Variants in TNNI3K observed in about 807,000 individuals in gnomAD.
The protein encoded by TNNI3K is TNNI3 interacting kinase, also known as serine/threonine-protein kinase TNNI3K.
Under a neutral mutation model 114.5 loss-of-function variants are expected in TNNI3K, and 140 were observed. The ratio of observed to expected loss-of-function variants is 1.22; its 90% CI spans 1.07 to 1.41. The LOEUF is 1.41. Among genes scored for constraint, TNNI3K ranks in the 40% most tolerant of loss-of-function variants. The pLI, the probability that TNNI3K is intolerant of heterozygous loss-of-function variation, is 0.00. For missense variants in TNNI3K, 1,125 were observed against 1,007.6 expected (o/e 1.12, Z -1.58); for synonymous variants, 347 against 347.5 (o/e 1.00, Z 0.02).
chr1:74,241,351 T>C (rs1654193553), intron 2 of TNNI3K, among the ~76,000 whole-genome samples: 1 of 152,196 alleles, frequency 6.6e-6, no homozygotes, highest in Non-Finnish European at 1.5e-5. Context: ...TGAGGAATCA[T>C]CACACTGACT....
At position 74,543,746 on chromosome 1, in the gene TNNI3K, G is replaced by A. The variant is rs45520631; in HGVS notation, c.2432-160G>A. Among the ~76,000 whole-genome samples the A allele has an allele frequency of 9.8e-3, 1,499 of 152,276 alleles. 24 individuals are homozygous for A. Among genetic ancestry groups the A allele is most frequent in the African/African-American group, 0.033 (1,367 of 41,540 alleles). On this transcript the variant is annotated intron_variant, in intron 24 of 24. Coordinates refer to ENST00000326637, the MANE Select transcript of TNNI3K (RefSeq NM_015978.3). ...CTGGTCTCAGCTCTCTGTTTTCATTGTAAATGTTGCTTGTGCTTTGCAACT... is the reference window on the plus strand; with the variant it reads ...CTGGTCTCAGCTCTCTGTTTTCATTATAAATGTTGCTTGTGCTTTGCAACT...
At chr1:74,272,576 T>TTAA (rs1656416572) in intron 5 of TNNI3K, among the ~76,000 whole-genome samples, 1 of 151,834 alleles carries the variant, frequency 6.6e-6, no homozygotes, top group South Asian at 2.1e-4. Flanking sequence ...GAGCCAGAGT[T>TTAA]GTTAGAGTGG....
intron 19 of TNNI3K, 135 bp downstream of exon 19, chr1:74,436,661 C>G (rs1666145102): frequency 1.2e-6 from 1 of 849,056 alleles, no homozygotes; most frequent in Non-Finnish European, 1.7e-6. Context: ...TGGCTTATGT[C>G]TTTATTTTTA....
intron 11 of TNNI3K, among the ~76,000 whole-genome samples, chr1:74,357,346 T>C (rs1353488860): frequency 6.6e-6 from 1 of 152,152 alleles, no homozygotes; most frequent in African/African-American, 2.4e-5. Context: ...ACGCCCAATT[T>C]AAATAGTTCA....
intron 23 of TNNI3K, among the ~76,000 whole-genome samples, chr1:74,501,583 T>C (rs540940149): frequency 2.1e-4 from 32 of 152,222 alleles, no homozygotes; most frequent in Admixed American, 2.1e-3. Flanking sequence ...GCCTCCTGGG[T>C]TCATGCCATT....
At chr1:74,257,421 T>G (rs1237973931) in intron 4 of TNNI3K, among the ~76,000 whole-genome samples, 1 of 152,190 alleles carries the variant, frequency 6.6e-6, no homozygotes, top group Non-Finnish European at 1.5e-5. Flanking sequence ...CACATTTTTC[T>G]GTTTCTTCAT....
At position 74,422,161 on chromosome 1, in the gene TNNI3K, G is replaced by A. The variant is rs1434381568; in HGVS notation, c.1773-13919G>A. On this transcript the variant is annotated intron_variant, in intron 17 of 24. Coordinates refer to ENST00000326637, the MANE Select transcript of TNNI3K (RefSeq NM_015978.3). ...ATGTCTTCAGGAGATTTCTACCTAA[G>A]GTTATGTATTCTTGTTCTCACTATT... Among the ~76,000 whole-genome samples, 4 of 151,836 alleles carry A rather than the reference G, an allele frequency of 2.6e-5. No individual in the cohort carries two copies. The South Asian group carries it at 6.2e-4, about 24-fold the overall frequency.
chr1:74,466,273 A>G (rs1421334879), intron 21 of TNNI3K, among the ~76,000 whole-genome samples: 1 of 151,910 alleles, frequency 6.6e-6, no homozygotes, highest in Non-Finnish European at 1.5e-5. Context: ...CCATCAAATA[A>G]CAATCAAGGG....
At chr1:74,460,627 G>T (rs544695934) in intron 20 of TNNI3K, among the ~76,000 whole-genome samples, 1 of 152,302 alleles carries the variant, frequency 6.6e-6, no homozygotes, top group South Asian at 2.1e-4. Context: ...TCCTGAATCT[G>T]TAATACCAGA....
chr1:74,480,099 A>G, intron 21 of TNNI3K: 2 of 660,704 alleles, frequency 3.0e-6, no homozygotes, highest in Middle Eastern at 3.9e-4. Flanking sequence ...AGCATGCTGC[A>G]AAAATATGGA....
chr1:74,438,276 T>C (rs1021680600), intron 19 of TNNI3K, among the ~76,000 whole-genome samples: 4 of 151,854 alleles, frequency 2.6e-5, no homozygotes, highest in African/African-American at 9.7e-5. Flanking sequence ...AAATGTAGAC[T>C]CTTTGGAATG....
In TNNI3K at chr1:74,352,182, T is replaced by TAACA. The variant is rs1661388945; in HGVS notation, c.933-1083_933-1080dup. On this transcript the variant is annotated intron_variant, in intron 9 of 24. Coordinates refer to ENST00000326637, the MANE Select transcript of TNNI3K (RefSeq NM_015978.3). ...CCTTTCTGTTTGTTAGTTTTCCTTC[T>TAACA]AACAGTCAGGACCCTCAGCTGCAGG... 3.9e-5 allele frequency among the ~76,000 whole-genome samples: 6 copies of TAACA among 152,204 alleles called. No individual in the cohort carries two copies. The South Asian group carries it at 1.0e-3, about 26-fold the overall frequency.
At chr1:74,352,165 T>C (rs1661388441) in intron 9 of TNNI3K, among the ~76,000 whole-genome samples, 1 of 152,196 alleles carries the variant, frequency 6.6e-6, no homozygotes, top group Non-Finnish European at 1.5e-5. Context: ...GTCCTTTCTG[T>C]TTGTTAGTTT....
At chr1:74,439,954 G>T (rs2100670897) in intron 20 of TNNI3K, among the ~76,000 whole-genome samples, 1 of 152,024 alleles carries the variant, frequency 6.6e-6, no homozygotes, top group African/African-American at 2.4e-5. Context: ...TATTTTTTGA[G>T]GTGAGATTTT....
At chr1:74,434,982 G>A (rs2100660374) in intron 17 of TNNI3K, among the ~76,000 whole-genome samples, 1 of 151,976 alleles carries the variant, frequency 6.6e-6, no homozygotes, top group Non-Finnish European at 1.5e-5. Context: ...TTTTGACCAT[G>A]AAGCAAAATA....
chr1:74,540,605 TTAA>T lies in TNNI3K; in HGVS notation c.2431+293_2431+295del, dbSNP rs1247884967. ...CATAGAAAAAAGTACAACTCTTTTT[TTAA>T]AAAAAAAAAAAAACTCCTTCCTCTC... On this transcript the variant is annotated intron_variant, in intron 24 of 24. Transcript: ENST00000326637. 2.7e-4 allele frequency among the ~76,000 whole-genome samples: 30 copies of T among 109,912 alleles called. 1 individual carries two copies. In the East Asian group the frequency reaches 5.1e-3, roughly 19 times the overall value. The allele number at this position is 109,912 out of a possible 152,430, so 72.1% of individuals were successfully genotyped here.
intron 21 of TNNI3K, chr1:74,483,421 A>G: frequency 9.9e-6 from 7 of 705,272 alleles, no homozygotes; most frequent in Admixed American, 2.0e-5. Flanking sequence ...GTTGGCATTC[A>G]CTGTCCATTA....
In TNNI3K at chr1:74,342,188, G is replaced by A. The variant is rs191855013; in HGVS notation, c.683-654G>A. ...ACGGAATTACCCAGACGTGAGAAGA[G>A]GTTATAAGGCTGGGTGTTTCAACGA... On this transcript the variant is annotated intron_variant, in intron 7 of 24. Transcript: ENST00000326637. Among the ~76,000 whole-genome samples, 98 of 152,234 alleles carry A rather than the reference G, an allele frequency of 6.4e-4. 3 individuals are homozygous for A. The East Asian group carries it at 0.017, about 27-fold the overall frequency.
At chr1:74,380,180 T>C (rs1663127025) in intron 17 of TNNI3K, among the ~76,000 whole-genome samples, 2 of 152,152 alleles carry the variant, frequency 1.3e-5, no homozygotes. Context: ...ATCTTCTGTA[T>C]GCCATTTGAA....
Sources: gnomAD v4.1 joint callset for allele counts (sites outside exome capture counted in the v4.1 genomes callset) on GRCh38, gnomAD v4.1.1 for gene constraint, MANE v1.5 for transcripts, NCBI Gene and HGNC (gene_info 2026-07-23, HGNC 2026-07-21) for gene names.